ZFAND3: variants seen among roughly 807,000 people sequenced by gnomAD.
The protein encoded by ZFAND3 is zinc finger AN1-type containing 3, also known as AN1-type zinc finger protein 3.
Under a neutral mutation model 29.6 loss-of-function variants are expected in ZFAND3, and 10 were observed. The ratio of observed to expected loss-of-function variants is 0.34; its 90% CI spans 0.21 to 0.57. The LOEUF (loss-of-function observed/expected upper bound fraction) is 0.57, where lower values mean the gene tolerates loss of function less well. Among genes scored for constraint, ZFAND3 ranks in the 20% least tolerant of loss-of-function variants. The pLI is 0.86. For synonymous variants in ZFAND3, 128 were observed against 112.6 expected (o/e 1.14, Z -0.87); for missense variants, 230 against 304.5 (o/e 0.76, Z 1.82).
intron 1 of ZFAND3, among the ~76,000 whole-genome samples, chr6:37,928,272 AT>A (rs1761526840): frequency 6.6e-6 from 1 of 152,194 alleles, no homozygotes; most frequent in South Asian, 2.1e-4. Context: ...GCTTGCTTTA[AT>A]TGTAAAACAT....
chr6:37,946,819 A>G (rs899554750), intron 2 of ZFAND3, among the ~76,000 whole-genome samples: 1 of 152,186 alleles, frequency 6.6e-6, no homozygotes, highest in Non-Finnish European at 1.5e-5. Flanking sequence ...TACGTGACGT[A>G]CCTACAGTAG....
chr6:37,890,110 G>T (rs1185135001), intron 1 of ZFAND3, among the ~76,000 whole-genome samples: 1 of 152,168 alleles, frequency 6.6e-6, no homozygotes, highest in Non-Finnish European at 1.5e-5. Context: ...AATAGCATGA[G>T]TCCTATGGTT....
intron 3 of ZFAND3, among the ~76,000 whole-genome samples, chr6:38,069,612 A>G (rs1764413287): frequency 2.0e-5 from 3 of 152,208 alleles, no homozygotes; most frequent in African/African-American, 7.2e-5. Context: ...AAAGATTGAT[A>G]CTTTGCAGTA....
chr6:37,870,417 C>CGT (rs1440731214), intron 1 of ZFAND3, among the ~76,000 whole-genome samples: 1 of 150,562 alleles, frequency 6.6e-6, no homozygotes, highest in African/African-American at 2.4e-5. Context: ...GCCTGGCCAA[C>CGT]GTGGTGAAAC....
At chr6:38,008,980 T>G (rs1318119490) in intron 2 of ZFAND3, among the ~76,000 whole-genome samples, 1 of 152,220 alleles carries the variant, frequency 6.6e-6, no homozygotes, top group Non-Finnish European at 1.5e-5. Context: ...CTTCAAAGTT[T>G]GCTTGTGAGC....
intron 2 of ZFAND3, among the ~76,000 whole-genome samples, chr6:37,987,420 C>G (rs1762689277): frequency 6.6e-6 from 1 of 152,158 alleles, no homozygotes; most frequent in Non-Finnish European, 1.5e-5. Flanking sequence ...GCATAGAATT[C>G]ATTTTATAGA....
intron 5 of ZFAND3, among the ~76,000 whole-genome samples, chr6:38,144,188 T>TATTATATATATATATATA (rs1766028949): frequency 2.6e-5 from 1 of 38,850 alleles, no homozygotes; most frequent in Non-Finnish European, 5.4e-5. Context: ...ATATATAATA[T>TATTATATATATATATATA]ATATATATAT....
At chr6:37,864,475 A>G (rs1037147839) in intron 1 of ZFAND3, among the ~76,000 whole-genome samples, 2 of 152,114 alleles carry the variant, frequency 1.3e-5, no homozygotes, top group Admixed American at 6.5e-5. Context: ...GGGATCTGAG[A>G]TAAGCAAAAT....
chr6:38,005,564 T>G (rs1192279163), intron 2 of ZFAND3, among the ~76,000 whole-genome samples: 1 of 152,234 alleles, frequency 6.6e-6, no homozygotes, highest in Non-Finnish European at 1.5e-5. Flanking sequence ...CTTCCCTCTC[T>G]GTTTTGAGCA....
rs972071476 is a variant in ZFAND3 at position 37,880,687 on chromosome 6, A to AT, written c.72-49262dup. ...AAGGATATATTTGATAATGGAAAGT[A>AT]TTTTTTTTTTAAAGCTGTATAGTTC... On this transcript the variant is annotated intron_variant, in intron 1 of 5. Coordinates refer to ENST00000287218, the MANE Select transcript of ZFAND3 (RefSeq NM_021943.3). Among the ~76,000 whole-genome samples the AT allele has an allele frequency of 4.0e-3, 605 of 150,380 alleles. 4 individuals are homozygous for AT. Among genetic ancestry groups the AT allele is most frequent in the African/African-American group, 0.013 (537 of 41,108 alleles).
chr6:38,043,436 T>A (rs1763832311), intron 2 of ZFAND3, among the ~76,000 whole-genome samples: 1 of 140,270 alleles, frequency 7.1e-6, no homozygotes, highest in Non-Finnish European at 1.5e-5. Context: ...TCCCCTTCTC[T>A]CCTATCCCCT....
At chr6:37,838,867 T>C (rs1764017930) in intron 1 of ZFAND3, among the ~76,000 whole-genome samples, 1 of 152,264 alleles carries the variant, frequency 6.6e-6, no homozygotes, top group African/African-American at 2.4e-5. Flanking sequence ...ATGGTAACTC[T>C]GTTTAACTTT....
At chr6:38,112,985 G>A (rs896016567) in intron 4 of ZFAND3, among the ~76,000 whole-genome samples, 1 of 151,998 alleles carries the variant, frequency 6.6e-6, no homozygotes, top group African/African-American at 2.4e-5. Flanking sequence ...CACCTTCTTG[G>A]GCAATAGCTT....
chr6:37,991,038 A>AT (rs1368438481), intron 2 of ZFAND3, among the ~76,000 whole-genome samples: 3 of 152,198 alleles, frequency 2.0e-5, no homozygotes, highest in African/African-American at 7.2e-5. Context: ...TAAGGATGTC[A>AT]TGTCACTTAT....
intron 3 of ZFAND3, among the ~76,000 whole-genome samples, chr6:38,069,238 T>G (rs1170585808): frequency 6.6e-6 from 1 of 152,224 alleles, no homozygotes; most frequent in Admixed American, 6.5e-5. Flanking sequence ...TTTCTTCTAG[T>G]AAAGCATTTA....
chr6:38,007,143 A>C (rs1467272659), intron 2 of ZFAND3, among the ~76,000 whole-genome samples: 1 of 152,230 alleles, frequency 6.6e-6, no homozygotes, highest in African/African-American at 2.4e-5. Flanking sequence ...TAGAGTTATA[A>C]ATAAATTATA....
intron 5 of ZFAND3, among the ~76,000 whole-genome samples, chr6:38,123,842 C>T (rs1038714754): frequency 8.6e-5 from 13 of 152,030 alleles, no homozygotes; most frequent in African/African-American, 2.2e-4. Flanking sequence ...CAGACCTTCG[C>T]GGTGAGTGTT....
At chr6:37,966,574 C>T (rs1300715781) in intron 2 of ZFAND3, among the ~76,000 whole-genome samples, 1 of 151,848 alleles carries the variant, frequency 6.6e-6, no homozygotes, top group Non-Finnish European at 1.5e-5. Flanking sequence ...TCTGGATTTT[C>T]TCATAAGTGG....
intron 1 of ZFAND3, among the ~76,000 whole-genome samples, chr6:37,823,830 T>G (rs1561901079): frequency 6.6e-6 from 1 of 152,102 alleles, no homozygotes; most frequent in Non-Finnish European, 1.5e-5. Flanking sequence ...TTGCTCTCAT[T>G]ACTCAGGCTG....
Sources: allele counts gnomAD v4.1 joint callset (sites outside exome capture counted in the v4.1 genomes callset), GRCh38; gene constraint gnomAD v4.1.1; transcripts MANE v1.5; gene names NCBI Gene and HGNC (gene_info 2026-07-23, HGNC 2026-07-21).